INPP5B: variants seen among roughly 807,000 people sequenced by gnomAD.
INPP5B encodes the protein type II inositol 1,4,5-trisphosphate 5-phosphatase.
A neutral mutation model predicts 118.5 loss-of-function variants in INPP5B; 90 were observed. The ratio of observed to expected loss-of-function variants is 0.76; its 90% CI spans 0.64 to 0.90. The LOEUF (loss-of-function observed/expected upper bound fraction) is 0.90. Among genes scored for constraint, INPP5B ranks in the 40% least tolerant of loss-of-function variants. The pLI is 0.00. For synonymous variants in INPP5B, 385 were observed against 418.9 expected (o/e 0.92, Z 0.99); for missense variants, 984 against 1,125.6 (o/e 0.87, Z 1.80).
intron 6 of INPP5B, among the ~76,000 whole-genome samples, chr1:37,936,513 C>G (rs949314334): frequency 2.0e-5 from 3 of 151,922 alleles, no homozygotes; most frequent in African/African-American, 7.3e-5. Context: ...CCCAGCTACT[C>G]AGGAGGCTGA....
chr1:37,924,603 C>T (rs534632113), intron 7 of INPP5B, among the ~76,000 whole-genome samples: 1 of 152,228 alleles, frequency 6.6e-6, no homozygotes, highest in Non-Finnish European at 1.5e-5. Context: ...AGTTGAGACA[C>T]ACGTTTAATA....
At chr1:37,883,670 T>C in intron 13 of INPP5B, 2 of 985,324 alleles carry the variant, frequency 2.0e-6, no homozygotes, top group South Asian at 4.7e-5. Context: ...CCTCACAAAC[T>C]AGGATGCTGC....
intron 7 of INPP5B, among the ~76,000 whole-genome samples, chr1:37,915,048 C>A (rs905981530): frequency 1.3e-5 from 2 of 152,166 alleles, no homozygotes; most frequent in Admixed American, 1.3e-4. Context: ...AGCTTGATTG[C>A]GATGTGTAAA....
chr1:37,863,816 C>CTT (rs1250313560), intron 23 of INPP5B, among the ~76,000 whole-genome samples: 5 of 137,772 alleles, frequency 3.6e-5, no homozygotes, highest in Admixed American at 7.4e-5. Flanking sequence ...CATGACTATA[C>CTT]TTTTTTTTTT....
chr1:37,931,894 T>C lies in INPP5B; in HGVS notation c.532+19A>G. The C allele has an allele frequency of 6.2e-7, 1 of 1,613,954 alleles. No homozygotes were observed. ...GGCCTCCTCCAATCCCCACCGTTTC[T>C]TCCGGGACGGATACCTGCCTCCGCC... On this transcript the variant is annotated intron_variant, in intron 7 of 23. Coordinates refer to ENST00000373024, the MANE Select transcript of INPP5B (RefSeq NM_005540.3).
chr1:37,918,479 C>T (rs1025207311), intron 7 of INPP5B, among the ~76,000 whole-genome samples: 2 of 152,222 alleles, frequency 1.3e-5, no homozygotes, highest in East Asian at 3.8e-4. Context: ...AGCCCAGCCT[C>T]AACTCCCACC....
At chr1:37,866,641 C>G in intron 20 of INPP5B, 98 bp from the exon 21 acceptor site, 2 of 754,502 alleles carry the variant, frequency 2.7e-6, no homozygotes, top group South Asian at 3.0e-5. Flanking sequence ...CAAAAAGGAG[C>G]AGTGTGGTGA....
chr1:37,885,065 AGAG>A (rs1253333969), intron 13 of INPP5B: 2 of 152,256 alleles, frequency 1.3e-5, no homozygotes, highest in Non-Finnish European at 2.9e-5. Flanking sequence ...GAAATGATAC[AGAG>A]AAGATTAGCA....
At chr1:37,920,097 A>T (rs1299063202) in intron 7 of INPP5B, among the ~76,000 whole-genome samples, 2 of 152,270 alleles carry the variant, frequency 1.3e-5, no homozygotes, top group Non-Finnish European at 2.9e-5. Context: ...AGATATACAC[A>T]GAGAGGTTAA....
chr1:37,878,461 C>A, intron 15 of INPP5B, 138 bp from the exon 16 acceptor site: 1 of 1,457,820 alleles, frequency 6.9e-7, no homozygotes, highest in Non-Finnish European at 9.1e-7. Flanking sequence ...GCAGCAAGAG[C>A]AATTCGGGCC....
chr1:37,889,874 T>C (rs1236718750), intron 8 of INPP5B, 150 bp from the exon 9 acceptor site: 2 of 547,182 alleles, frequency 3.7e-6, no homozygotes, highest in East Asian at 2.9e-5. Flanking sequence ...AACAACACTA[T>C]TTCTATGTGG....
intron 7 of INPP5B, among the ~76,000 whole-genome samples, chr1:37,913,156 C>T (rs1644757444): frequency 6.6e-6 from 1 of 152,108 alleles, no homozygotes. Flanking sequence ...TCTTGGGAGG[C>T]TGAGGCAGGA....
chr1:37,891,886 G>A (rs887688052), intron 7 of INPP5B, among the ~76,000 whole-genome samples: 4 of 152,194 alleles, frequency 2.6e-5, no homozygotes, highest in African/African-American at 4.8e-5. Flanking sequence ...TCCACATATT[G>A]CTTCAAAGGG....
intron 6 of INPP5B, among the ~76,000 whole-genome samples, chr1:37,933,732 A>C (rs1645582456): frequency 8.1e-6 from 1 of 122,838 alleles, no homozygotes; most frequent in South Asian, 2.8e-4. Context: ...TAAATAAATA[A>C]ATAAATAAAT....
rs1221990118 is a variant in INPP5B at position 37,873,051 on chromosome 1, T to C, written c.2066A>G (p.Lys689Arg). The C allele has an allele frequency of 1.2e-6, 2 of 1,614,144 alleles. No individual in the cohort carries two copies. The highest frequency in any genetic ancestry group is 3.3e-5 in the Admixed American group (2 of 60,004). ...CCCAGACACAGACAAAAAGTAATCC[T>C]TTCCCCTGTCCAAGTGCAGAACCAG... ...DILVLHLDRG[K>R]DYFLSVSGNY... The change falls in exon 19 of 24, where the codon AAG (lysine) becomes AGG (arginine). Residue 689 changes from lysine to arginine, a missense_variant. Around this residue, in one of 2 missense-constraint regions of INPP5B, gnomAD observed 634 missense variants for 791.0 expected, o/e 0.80. Coordinates refer to ENST00000373024, the MANE Select transcript of INPP5B (RefSeq NM_005540.3).
chr1:37,915,280 T>C (rs920541118), intron 7 of INPP5B, among the ~76,000 whole-genome samples: 1 of 152,216 alleles, frequency 6.6e-6, no homozygotes, highest in African/African-American at 2.4e-5. Context: ...TTTAGGAAGA[T>C]AACACATTAC....
intron 16 of INPP5B, among the ~76,000 whole-genome samples, chr1:37,876,414 C>T (rs1642809023): frequency 6.6e-6 from 1 of 151,372 alleles, no homozygotes; most frequent in Admixed American, 6.6e-5. Flanking sequence ...AATAAAGAGC[C>T]ACCACAGATA....
At chr1:37,927,687 C>CTGT (rs1301132412) in intron 7 of INPP5B, among the ~76,000 whole-genome samples, 1 of 152,022 alleles carries the variant, frequency 6.6e-6, no homozygotes, top group Non-Finnish European at 1.5e-5. Context: ...CAGGCGCCCA[C>CTGT]CACCATGCCC....
At chr1:37,926,544 A>G (rs1278687720) in intron 7 of INPP5B, among the ~76,000 whole-genome samples, 1 of 152,180 alleles carries the variant, frequency 6.6e-6, no homozygotes, top group African/African-American at 2.4e-5. Flanking sequence ...GGCCTCTGAA[A>G]GTGCTGGGAT....
Sources: allele counts gnomAD v4.1 joint callset (sites outside exome capture counted in the v4.1 genomes callset), GRCh38; gene constraint gnomAD v4.1.1; regional missense constraint gnomAD v4.1.1; transcripts MANE v1.5; gene names NCBI Gene and HGNC (gene_info 2026-07-23, HGNC 2026-07-21).